JMJD1C: variants seen among roughly 807,000 people sequenced by gnomAD.
The protein encoded by JMJD1C is jumonji domain-containing protein 1C.
JMJD1C carries 31 observed loss-of-function variants against 245.3 expected under a neutral mutation model. The ratio of observed to expected loss-of-function variants is 0.13; its 90% CI spans 0.09 to 0.17. JMJD1C has a LOEUF of 0.17. Ranked by LOEUF, JMJD1C falls within the 10% of genes least tolerant of loss-of-function variation. JMJD1C has a pLI of 1.00. For missense variants in JMJD1C, 2,691 were observed against 3,000.2 expected, an observed-to-expected ratio of 0.90 and a Z score of 2.41; for synonymous variants, 1,057 against 1,017.4, an observed-to-expected ratio of 1.04 and a Z score of -0.74.
intron 1 of JMJD1C, among the ~76,000 whole-genome samples, chr10:63,390,570 T>A (rs982690645): frequency 1.1e-5 from 1 of 88,360 alleles, no homozygotes; most frequent in Non-Finnish European, 3.4e-5. Context: ...CAGACAAGAA[T>A]GCTACAACAA....
chr10:63,247,424 A>C (rs1268933916), intron 3 of JMJD1C, among the ~76,000 whole-genome samples: 2 of 152,248 alleles, frequency 1.3e-5, no homozygotes, highest in African/African-American at 2.4e-5. Context: ...ACCAGTAACA[A>C]ATAATGGAAT....
intron 2 of JMJD1C, among the ~76,000 whole-genome samples, chr10:63,329,641 A>G (rs1200645820): frequency 6.6e-6 from 1 of 152,244 alleles, no homozygotes; most frequent in Non-Finnish European, 1.5e-5. Context: ...CTGACTTAGA[A>G]TGGTTCAACT....
intron 1 of JMJD1C, among the ~76,000 whole-genome samples, chr10:63,491,852 C>T (rs1322925548): frequency 6.6e-6 from 1 of 152,218 alleles, no homozygotes; most frequent in Admixed American, 6.5e-5. Context: ...GCTACTACAA[C>T]ACTTCTAGTG....
upstream of JMJD1C, chr10:63,466,139 A>AGGCGGCGGC (rs3841602): frequency 4.8e-3 from 847 of 177,044 alleles, 19 homozygotes; most frequent in East Asian, 7.1e-3. Context: ...CCAGATCCAG[A>AGGCGGCGGC]GGCGGCGGCG....
chr10:63,303,329 G>A (rs905355858), intron 2 of JMJD1C, among the ~76,000 whole-genome samples: 1 of 152,038 alleles, frequency 6.6e-6, no homozygotes, highest in African/African-American at 2.4e-5. Flanking sequence ...TTGTTCAGAC[G>A]GAGTCTCGCT....
Position 63,439,950 on chromosome 10 carries a change from T to A in JMJD1C, c.168+25545A>T, listed in dbSNP as rs544365175. Among the ~76,000 whole-genome samples the A allele has an allele frequency of 4.6e-5, 7 of 152,334 alleles. No homozygotes were observed. In the South Asian group the frequency reaches 1.4e-3, roughly 32 times the overall value. ...GTGCGTATGCAGCAAGGGAATGAGA[T>A]ACAATGATGCCTAAGGTGACAGTGA... On this transcript the variant is annotated intron_variant, in intron 1 of 25. Coordinates refer to ENST00000399262, the MANE Select transcript of JMJD1C (RefSeq NM_032776.3).
chr10:63,193,251 T>G (rs1323511673), intron 15 of JMJD1C, 94 bp downstream of exon 15: 1 of 1,465,668 alleles, frequency 6.8e-7, no homozygotes, highest in East Asian at 2.3e-5. Flanking sequence ...CAAACCTAAT[T>G]CATACATAAG....
chr10:63,176,470 A>C lies in JMJD1C; in HGVS notation c.7228T>G (p.Ser2410Ala), dbSNP rs1169542418. The change falls in exon 24 of 26, where the codon TCA becomes GCA. Residue 2410 changes from serine (S) to alanine (A), a missense_variant. Around this residue, in one of 9 missense-constraint regions of JMJD1C, gnomAD observed 232 missense variants for 416.1 expected, o/e 0.56. Transcript: ENST00000399262. ...AGAACTTCAAGGCCTTGTTCTTTTGAAATCTGAAATATGAATTAAAATAGA... is the reference window on the plus strand; with the variant it reads ...AGAACTTCAAGGCCTTGTTCTTTTGCAATCTGAAATATGAATTAAAATAGA... ...DKIREFLQKI[S>A]KEQGLEVLPE... 6.8e-6 allele frequency: 11 copies of C among 1,610,168 alleles called. No homozygotes were observed. Among genetic ancestry groups the C allele is most frequent in the Non-Finnish European group, 9.3e-6 (11 of 1,177,534 alleles).
intron 1 of JMJD1C, among the ~76,000 whole-genome samples, chr10:63,398,675 ACT>A (rs1948666266): frequency 6.7e-6 from 1 of 149,512 alleles, no homozygotes; most frequent in Non-Finnish European, 1.5e-5. Context: ...ACAGACTCTC[ACT>A]CTGTCACCCA....
At chr10:63,357,043 C>T (rs773672201) in intron 2 of JMJD1C, among the ~76,000 whole-genome samples, 25 of 146,886 alleles carry the variant, frequency 1.7e-4, no homozygotes, top group African/African-American at 2.5e-4. Flanking sequence ...GACATTATAT[C>T]TTTTTTTTTT....
chr10:63,292,009 G>C (rs1334141400), intron 2 of JMJD1C, among the ~76,000 whole-genome samples: 1 of 151,846 alleles, frequency 6.6e-6, no homozygotes, highest in East Asian at 1.9e-4. Context: ...GGAGTGTCAT[G>C]GCACGATCAC....
chr10:63,473,182 C>T (rs1161964226), intron 1 of JMJD1C, among the ~76,000 whole-genome samples: 1 of 151,996 alleles, frequency 6.6e-6, no homozygotes, highest in Non-Finnish European at 1.5e-5. Flanking sequence ...ATGAAAAAAA[C>T]ATTAAGTAGG....
intron 3 of JMJD1C, among the ~76,000 whole-genome samples, chr10:63,261,264 T>C (rs1301984428): frequency 1.3e-5 from 2 of 152,160 alleles, no homozygotes; most frequent in Non-Finnish European, 1.5e-5. Context: ...CATCCTGGAA[T>C]ACCCAACTAA....
intron 18 of JMJD1C, among the ~76,000 whole-genome samples, chr10:63,188,022 G>T (rs970184791): frequency 1.3e-5 from 2 of 152,068 alleles, no homozygotes; most frequent in East Asian, 3.8e-4. Flanking sequence ...AACACCTAAT[G>T]TTCTTGTATA....
chr10:63,268,305 G>A (rs1431264905), intron 2 of JMJD1C, among the ~76,000 whole-genome samples: 2 of 147,946 alleles, frequency 1.4e-5, no homozygotes, highest in Non-Finnish European at 1.5e-5. Flanking sequence ...CAGGTCTATT[G>A]AAAAACACGA....
intron 2 of JMJD1C, among the ~76,000 whole-genome samples, chr10:63,308,505 A>G (rs1028571124): frequency 6.6e-6 from 1 of 152,128 alleles, no homozygotes; most frequent in African/African-American, 2.4e-5. Context: ...AGCAACATGT[A>G]GGAAAAAGAG....
intron 3 of JMJD1C, among the ~76,000 whole-genome samples, chr10:63,239,638 G>A (rs1246016107): frequency 1.3e-5 from 2 of 152,116 alleles, no homozygotes; most frequent in Non-Finnish European, 2.9e-5. Context: ...AGAAACGGGG[G>A]TTTTGCCATG....
At chr10:63,246,168 C>T (rs1313917374) in intron 3 of JMJD1C, among the ~76,000 whole-genome samples, 1 of 152,082 alleles carries the variant, frequency 6.6e-6, no homozygotes. Context: ...GCAATAATAA[C>T]AGAAAACTTT....
At chr10:63,305,225 G>A (rs1263917749) in intron 2 of JMJD1C, among the ~76,000 whole-genome samples, 5 of 151,446 alleles carry the variant, frequency 3.3e-5, no homozygotes, top group African/African-American at 1.2e-4. Flanking sequence ...CAAATTAGCT[G>A]GGTGTGGTGG....
Sources: allele counts gnomAD v4.1 joint callset (sites outside exome capture counted in the v4.1 genomes callset), GRCh38; gene constraint gnomAD v4.1.1; regional missense constraint gnomAD v4.1.1; transcripts MANE v1.5; gene names NCBI Gene and HGNC (gene_info 2026-07-23, HGNC 2026-07-21).